The following DTNB variants were observed in gnomAD, a reference collection of about 807,000 sequenced individuals.
DTNB encodes the protein DTN-B.
Under a neutral mutation model 90.7 loss-of-function variants are expected in DTNB, and 63 were observed. The observed-to-expected ratio is 0.69, with a 90% confidence interval of 0.57 to 0.86. The LOEUF (loss-of-function observed/expected upper bound fraction) is 0.86. Among genes scored for constraint, DTNB ranks in the 40% least tolerant of loss-of-function variants. DTNB has a pLI of 0.00. For missense variants in DTNB, 744 were observed against 807.1 expected (o/e 0.92, Z 0.95); for synonymous variants, 277 against 286.7 (o/e 0.97, Z 0.34).
Position 25,387,228 on chromosome 2 carries a change from T to C in DTNB, c.1825+61A>G. 6.5e-7 allele frequency: 1 copy of C among 1,536,724 alleles called. No individual in the cohort carries two copies. The highest frequency in any genetic ancestry group is 8.9e-7 in the Non-Finnish European group (1 of 1,122,324). ...GGTTCTGCCGGTGCTGGCAAGGAAG[T>C]GAGAAGGGCGCGGGCAAGGCAGGGG... is the stretch of plus-strand genomic sequence containing the variant. On this transcript the variant is annotated intron_variant, in intron 18 of 20. Coordinates refer to ENST00000406818, the MANE Select transcript of DTNB (RefSeq NM_021907.5). The surrounding 1 kb of genome is among the most constrained non-coding windows in gnomAD (Gnocchi z 4.5).
intron 3 of DTNB, among the ~76,000 whole-genome samples, chr2:25,630,128 GA>G (rs1163102474): frequency 2.0e-5 from 3 of 152,174 alleles, no homozygotes; most frequent in South Asian, 2.1e-4. Context: ...ACAAGCACAT[GA>G]AAAGATGCTC....
chr2:25,512,288 C>A (rs2074111251), intron 9 of DTNB, among the ~76,000 whole-genome samples: 1 of 152,154 alleles, frequency 6.6e-6, no homozygotes. Context: ...CAAAAGCATA[C>A]CAAATCAACA....
At chr2:25,395,346 A>G (rs917997204) in intron 16 of DTNB, among the ~76,000 whole-genome samples, 2 of 152,166 alleles carry the variant, frequency 1.3e-5, no homozygotes, top group Admixed American at 1.3e-4. Flanking sequence ...TCATGTAATC[A>G]AATACTACCT....
intron 12 of DTNB, among the ~76,000 whole-genome samples, chr2:25,442,152 G>A (rs2057548366): frequency 6.6e-6 from 1 of 152,218 alleles, no homozygotes; most frequent in South Asian, 2.1e-4. Context: ...CTAATAAAGT[G>A]CAAAACATGG....
chr2:25,613,328 T>G (rs1430141261), intron 4 of DTNB, among the ~76,000 whole-genome samples: 2 of 152,168 alleles, frequency 1.3e-5, no homozygotes, highest in Non-Finnish European at 2.9e-5. Flanking sequence ...GTTTGGGGTA[T>G]GAATAATCCT....
intron 3 of DTNB, among the ~76,000 whole-genome samples, chr2:25,631,308 G>A (rs182408389): frequency 7.9e-5 from 12 of 152,256 alleles, no homozygotes; most frequent in Admixed American, 6.5e-4. Flanking sequence ...GATATCAGAG[G>A]CTTGGTGCAG....
intron 16 of DTNB, among the ~76,000 whole-genome samples, chr2:25,391,357 A>G (rs1178075571): frequency 3.3e-5 from 5 of 152,222 alleles, no homozygotes; most frequent in African/African-American, 1.2e-4. Flanking sequence ...CAAACTATAT[A>G]TGATACATGA....
chr2:25,639,005 A>G lies in DTNB; in HGVS notation c.148+9T>C, dbSNP rs748481542. On this transcript the variant is annotated intron_variant, in intron 3 of 20. Transcript: ENST00000406818. ...CCAGCTATCACAGAAATGAGTAGAA[A>G]TGACTCACGGTTGCATCGTTTTTGT... 11 of 1,571,392 alleles carry G rather than the reference A, an allele frequency of 7.0e-6. No homozygotes were observed. Among genetic ancestry groups the G allele is most frequent in the Non-Finnish European group, 9.5e-6 (11 of 1,153,146 alleles).
rs186362189 is a variant in DTNB, at chr2:25,575,037, T to C, written c.876+1801A>G. Among the ~76,000 whole-genome samples, 10 of 152,164 alleles carry C rather than the reference T, an allele frequency of 6.6e-5. No individual in the cohort carries two copies. In the East Asian group the frequency reaches 1.9e-3, roughly 29 times the overall value. ...TATCAGTCACTTGTCTCTAAACAAA[T>C]ACAAAACCCCCATTTTTAAAAGAGT... On this transcript the variant is annotated intron_variant, in intron 8 of 20. Coordinates refer to ENST00000406818, the MANE Select transcript of DTNB (RefSeq NM_021907.5).
chr2:25,388,116 CAG>C (rs2040031919), intron 17 of DTNB, 84 bp downstream of exon 17: 6 of 1,523,828 alleles, frequency 3.9e-6, no homozygotes, highest in Non-Finnish European at 5.3e-6. Context: ...GAGCACAAAA[CAG>C]AAATGGAAAA....
intron 9 of DTNB, among the ~76,000 whole-genome samples, chr2:25,508,533 C>CTG: frequency 8.9e-6 from 1 of 112,738 alleles, no homozygotes; most frequent in African/African-American, 4.3e-5. Context: ...GAGTTTCGCT[C>CTG]TTTGTTTTTT....
intron 16 of DTNB, among the ~76,000 whole-genome samples, chr2:25,415,371 C>T (rs1370033314): frequency 2.0e-5 from 3 of 151,744 alleles, no homozygotes; most frequent in Non-Finnish European, 2.9e-5. Context: ...CTCAGCCTCC[C>T]GAGTAGCTGG....
At chr2:25,501,787 G>C (rs1459975987) in intron 9 of DTNB, among the ~76,000 whole-genome samples, 1 of 152,140 alleles carries the variant, frequency 6.6e-6, no homozygotes, top group African/African-American at 2.4e-5. Context: ...TAAGGCATGA[G>C]TCTTCAGAAA....
chr2:25,609,016 C>T (rs1185126584), intron 4 of DTNB, among the ~76,000 whole-genome samples: 4 of 152,166 alleles, frequency 2.6e-5, no homozygotes, highest in Non-Finnish European at 5.9e-5. Flanking sequence ...CAGAGCCCAG[C>T]ATCAGTGGTG....
intron 2 of DTNB, among the ~76,000 whole-genome samples, chr2:25,642,830 T>G (rs558625462): frequency 2.6e-5 from 4 of 152,046 alleles, no homozygotes; most frequent in Admixed American, 2.6e-4. Context: ...CTCAGCTCAC[T>G]GCAACTTCTG....
intron 16 of DTNB, among the ~76,000 whole-genome samples, chr2:25,405,207 C>T (rs2044775814): frequency 6.6e-6 from 1 of 152,074 alleles, no homozygotes. Flanking sequence ...GGATTATAGG[C>T]GTGAGCTACC....
intron 19 of DTNB, among the ~76,000 whole-genome samples, chr2:25,381,803 TCTTCTCC>T (rs2037858039): frequency 6.6e-6 from 1 of 152,248 alleles, no homozygotes; most frequent in South Asian, 2.1e-4. Flanking sequence ...ATCTTCTTCC[TCTTCTCC>T]CAGTTTCTTC....
At chr2:25,462,735 G>A (rs904755158) in intron 10 of DTNB, among the ~76,000 whole-genome samples, 2 of 148,930 alleles carry the variant, frequency 1.3e-5, no homozygotes, top group Non-Finnish European at 3.0e-5. Context: ...ACGGAGTCTC[G>A]CTCTGTCGCC....
At chr2:25,489,623 G>A (rs981155533) in intron 9 of DTNB, among the ~76,000 whole-genome samples, 4 of 151,946 alleles carry the variant, frequency 2.6e-5, no homozygotes, top group Non-Finnish European at 5.9e-5. Flanking sequence ...TTTGAGGCCA[G>A]CCTGGGTAAC....
Sources: allele counts gnomAD v4.1 joint callset (sites outside exome capture counted in the v4.1 genomes callset), GRCh38; gene constraint gnomAD v4.1.1; non-coding constraint Gnocchi (gnomAD v3.1); transcripts MANE v1.5; gene names NCBI Gene and HGNC (gene_info 2026-07-23, HGNC 2026-07-21).